Variants in PPM1H observed in about 807,000 individuals in gnomAD.
The protein encoded by PPM1H is protein phosphatase, Mg2+/Mn2+ dependent 1H.
Under a neutral mutation model 54.9 loss-of-function variants are expected in PPM1H, and 27 were observed. That is an observed-to-expected ratio of 0.49 (90% CI 0.36 to 0.68). The LOEUF is 0.68. Among genes scored for constraint, PPM1H ranks in the 30% least tolerant of loss-of-function variants. The probability of loss-of-function intolerance (pLI) is 0.00; values close to 1 mark genes in which losing one functional copy is unlikely to be tolerated. For missense variants in PPM1H, 596 were observed against 667.8 expected (o/e 0.89, Z 1.19); for synonymous variants, 305 against 270.8 (o/e 1.13, Z -1.24).
At chr12:62,911,372 A>G (rs1666872) in intron 1 of PPM1H, among the ~76,000 whole-genome samples, 49,635 of 152,168 alleles carry the variant, frequency 0.33, 9,682 homozygotes, top group Non-Finnish European at 0.45. Context: ...ACATTTTTAA[A>G]TTAAAGGTAG....
chr12:62,768,527 C>T (rs952064560), intron 4 of PPM1H, among the ~76,000 whole-genome samples: 3 of 151,874 alleles, frequency 2.0e-5, no homozygotes, highest in Admixed American at 6.6e-5. Flanking sequence ...TGGTGGCGGG[C>T]GCCTGTAATC....
intron 1 of PPM1H, among the ~76,000 whole-genome samples, chr12:62,838,311 G>C (rs767697465): frequency 7.1e-6 from 1 of 140,050 alleles, no homozygotes; most frequent in Admixed American, 7.4e-5. Flanking sequence ...CTAGGAGGTA[G>C]ACAGTAAAAT....
At chr12:62,793,467 G>A (rs11174652) in intron 3 of PPM1H, among the ~76,000 whole-genome samples, 6,016 of 152,132 alleles carry the variant, frequency 0.04, 399 homozygotes, top group African/African-American at 0.14. Context: ...GCTCACGCCT[G>A]TAATCTCAGC....
At chr12:62,884,529 A>G (rs1045652183) in intron 1 of PPM1H, among the ~76,000 whole-genome samples, 3 of 150,432 alleles carry the variant, frequency 2.0e-5, no homozygotes, top group Admixed American at 6.6e-5. Flanking sequence ...GAAAGAAAGA[A>G]AGAGAGAAAA....
intron 6 of PPM1H, among the ~76,000 whole-genome samples, chr12:62,705,401 G>C (rs566536185): frequency 6.6e-6 from 1 of 152,148 alleles, no homozygotes; most frequent in African/African-American, 2.4e-5. Context: ...AGTAGGTGCC[G>C]GGCACTGGCA....
intron 6 of PPM1H, among the ~76,000 whole-genome samples, chr12:62,707,178 C>A (rs2076179871): frequency 6.6e-6 from 1 of 152,156 alleles, no homozygotes; most frequent in Non-Finnish European, 1.5e-5. Flanking sequence ...GCATGGTCTC[C>A]TGACCTATCC....
At chr12:62,898,321 T>A (rs1871058618) in intron 1 of PPM1H, among the ~76,000 whole-genome samples, 1 of 152,136 alleles carries the variant, frequency 6.6e-6, no homozygotes, top group South Asian at 2.1e-4. Flanking sequence ...GAGCAGAAAG[T>A]CCTCCAAGCA....
At chr12:62,772,054 AG>A (rs2076582553) in intron 4 of PPM1H, among the ~76,000 whole-genome samples, 1 of 152,220 alleles carries the variant, frequency 6.6e-6, no homozygotes, top group African/African-American at 2.4e-5. Context: ...TTGCACAGTA[AG>A]TGATAGAATT....
chr12:62,659,194 A>C, intron 9 of PPM1H: 1 of 677,116 alleles, frequency 1.5e-6, no homozygotes, highest in Non-Finnish European at 2.8e-6. Flanking sequence ...ACCAACCCCA[A>C]TGCCAGGCTG....
At chr12:62,770,443 G>C (rs1473094319) in intron 4 of PPM1H, among the ~76,000 whole-genome samples, 1 of 152,160 alleles carries the variant, frequency 6.6e-6, no homozygotes. Context: ...CTATTAATCA[G>C]TATATAACCT....
In PPM1H at chr12:62,934,798, A is replaced by T. The variant is rs1444771171; in HGVS notation, c.-62T>A. 2 of 1,390,286 alleles carry T rather than the reference A, an allele frequency of 1.4e-6. No homozygotes were observed. Among genetic ancestry groups the T allele is most frequent in the Non-Finnish European group, 1.9e-6 (2 of 1,069,850 alleles). The allele number at this position is 1,390,286 out of a possible 1,614,324, so 86.1% of individuals were successfully genotyped here. Reference sequence around the variant, plus strand: ...AGGCGGCGGGGGCCGGGCAAGGCGCAGCGCGGGGCATGCAGGCTGCGGTGG... The same window carrying T: ...AGGCGGCGGGGGCCGGGCAAGGCGCTGCGCGGGGCATGCAGGCTGCGGTGG... On this transcript the variant is annotated 5_prime_UTR_variant, in exon 1 of 10. Coordinates refer to ENST00000228705, the MANE Select transcript of PPM1H (RefSeq NM_020700.2). The surrounding 1 kb of genome is among the most constrained non-coding windows in gnomAD (Gnocchi z 4.2).
rs2075775839 is a variant in PPM1H, at chr12:62,644,757, T to C, written c.*3732A>G. 1 of 152,264 alleles carries C rather than the reference T, an allele frequency of 6.6e-6. No individual in the cohort carries two copies. The highest frequency in any genetic ancestry group is 2.4e-5 in the African/African-American group (1 of 41,470). 9.4% of individuals were successfully genotyped at this position (152,264 alleles called of 1,614,324 possible). The stretch of plus-strand genomic sequence containing the variant: ...AGGCTGCAACCTTTCTCTGCAATTG[T>C]TAAGTCTTCAAAAATCTGAGTTCCT... On this transcript the variant is annotated 3_prime_UTR_variant, in exon 10 of 10. Coordinates refer to ENST00000228705, the MANE Select transcript of PPM1H (RefSeq NM_020700.2).
chr12:62,657,023 A>T (rs577616366), intron 9 of PPM1H, among the ~76,000 whole-genome samples: 2 of 152,298 alleles, frequency 1.3e-5, no homozygotes, highest in South Asian at 4.1e-4. Context: ...TGCTCATGCC[A>T]GCTTCTGTCC....
At chr12:62,812,605 C>T (rs1002834396) in intron 2 of PPM1H, among the ~76,000 whole-genome samples, 1 of 152,006 alleles carries the variant, frequency 6.6e-6, no homozygotes, top group Non-Finnish European at 1.5e-5. Context: ...TTCAGGAATA[C>T]ATCTGCAGCC....
At chr12:62,842,405 T>C (rs1868786225) in intron 1 of PPM1H, among the ~76,000 whole-genome samples, 1 of 152,228 alleles carries the variant, frequency 6.6e-6, no homozygotes, top group African/African-American at 2.4e-5. Context: ...CAGTTTCAAA[T>C]GTGTAATTTA....
At chr12:62,830,914 CGTG>C (rs753835336) in intron 2 of PPM1H, among the ~76,000 whole-genome samples, 43,224 of 151,808 alleles carry the variant, frequency 0.28, 7,721 homozygotes, top group African/African-American at 0.5. Context: ...AGTGCAGTGG[CGTG>C]ATCTCAGCTC....
intron 5 of PPM1H, among the ~76,000 whole-genome samples, chr12:62,724,552 T>C (rs2076279753): frequency 6.6e-6 from 1 of 152,190 alleles, no homozygotes; most frequent in Non-Finnish European, 1.5e-5. Flanking sequence ...TCTGAGGATG[T>C]GCAGGTTTGA....
intron 8 of PPM1H, among the ~76,000 whole-genome samples, chr12:62,678,378 A>C (rs2136624984): frequency 6.6e-6 from 1 of 152,398 alleles, no homozygotes; most frequent in East Asian, 1.9e-4. Context: ...AGAGGGCAAC[A>C]ATCTCCAATG....
rs149253098 is a variant in PPM1H, at chr12:62,774,673, T to C, written c.869+13553A>G. 9.3e-3 allele frequency among the ~76,000 whole-genome samples: 1,416 copies of C among 152,270 alleles called. 16 individuals carry two copies. The highest frequency in any genetic ancestry group is 0.027 in the Middle Eastern group (8 of 294). On this transcript the variant is annotated intron_variant, in intron 4 of 9. Coordinates refer to ENST00000228705, the MANE Select transcript of PPM1H (RefSeq NM_020700.2). ...CATCTGTCTCTGTAGTTATACTCCT[T>C]TTTTCCCCAATAATGATTGAAAGTT...
Sources: allele counts gnomAD v4.1 joint callset (sites outside exome capture counted in the v4.1 genomes callset), GRCh38; gene constraint gnomAD v4.1.1; non-coding constraint Gnocchi (gnomAD v3.1); transcripts MANE v1.5; gene names NCBI Gene and HGNC (gene_info 2026-07-23, HGNC 2026-07-21).